PDLIM5: variants seen among roughly 807,000 people sequenced by gnomAD.
PDLIM5 encodes PDZ and LIM domain protein 5.
PDLIM5 carries 34 observed loss-of-function variants against 64.2 expected under a neutral mutation model. The observed-to-expected ratio is 0.53, with a 90% CI of 0.40 to 0.71. PDLIM5 has a LOEUF of 0.71. Among genes scored for constraint, PDLIM5 ranks in the 30% least tolerant of loss-of-function variants. PDLIM5 has a pLI of 0.00. For missense variants in PDLIM5, 683 were observed against 733.6 expected (o/e 0.93, Z 0.80); for synonymous variants, 253 against 269.1 (o/e 0.94, Z 0.59).
intron 3 of PDLIM5, among the ~76,000 whole-genome samples, chr4:94,524,492 A>G (rs1730160509): frequency 6.6e-6 from 1 of 151,276 alleles, no homozygotes; most frequent in African/African-American, 2.4e-5. Flanking sequence ...TGAGCATTAT[A>G]TTAAAGGGTA....
chr4:94,561,741 A>G (rs1408874464), intron 3 of PDLIM5, among the ~76,000 whole-genome samples: 1 of 152,192 alleles, frequency 6.6e-6, no homozygotes, highest in East Asian at 1.9e-4. Flanking sequence ...AATACTTTTC[A>G]GATTATTTAT....
At chr4:94,553,829 A>G (rs1321185234) in intron 3 of PDLIM5, among the ~76,000 whole-genome samples, 1 of 152,230 alleles carries the variant, frequency 6.6e-6, no homozygotes, top group Non-Finnish European at 1.5e-5. Flanking sequence ...TCAGCTTTCC[A>G]CAGAGAGTAT....
chr4:94,639,122 A>G (rs1027838964), intron 8 of PDLIM5, among the ~76,000 whole-genome samples: 1 of 152,180 alleles, frequency 6.6e-6, no homozygotes, highest in African/African-American at 2.4e-5. Flanking sequence ...AATAGGAAGA[A>G]GGGTAGAAAA....
chr4:94,655,695 G>A (rs1011968778), intron 10 of PDLIM5, among the ~76,000 whole-genome samples: 7 of 152,170 alleles, frequency 4.6e-5, no homozygotes, highest in African/African-American at 1.7e-4. Flanking sequence ...CTGTTTTAGT[G>A]TATCAAGGTA....
At chr4:94,476,237 A>G (rs1560640642) in intron 2 of PDLIM5, among the ~76,000 whole-genome samples, 1 of 152,150 alleles carries the variant, frequency 6.6e-6, no homozygotes, top group Non-Finnish European at 1.5e-5. Context: ...TGAATATTTT[A>G]TCTTGGGTGG....
intron 2 of PDLIM5, among the ~76,000 whole-genome samples, chr4:94,464,431 T>C (rs1009751967): frequency 1.3e-5 from 2 of 152,208 alleles, no homozygotes; most frequent in Non-Finnish European, 2.9e-5. Flanking sequence ...GGATATTAAC[T>C]TTTGGAAGTG....
At chr4:94,538,825 A>T (rs1731534336) in intron 3 of PDLIM5, among the ~76,000 whole-genome samples, 1 of 152,156 alleles carries the variant, frequency 6.6e-6, no homozygotes, top group Non-Finnish European at 1.5e-5. Context: ...TCCTCTCTCA[A>T]CTGTACATAT....
intron 2 of PDLIM5, among the ~76,000 whole-genome samples, chr4:94,511,494 T>C (rs559788417): frequency 3.9e-5 from 6 of 152,138 alleles, no homozygotes; most frequent in Non-Finnish European, 8.8e-5. Context: ...TATTTTAAAA[T>C]GTACAATTAA....
Position 94,604,490 on chromosome 4 carries a change from C to T in PDLIM5, c.921-13514C>T, listed in dbSNP as rs143344643. On this transcript the variant is annotated intron_variant, in intron 7 of 12. Coordinates refer to ENST00000317968, the MANE Select transcript of PDLIM5 (RefSeq NM_006457.5). ...CTCTACTAAAAACACAAAAATTAGC[C>T]AGGCGTGGTGGCACGTACCTGTAGT... Among the ~76,000 whole-genome samples the T allele has an allele frequency of 7.2e-3, 1,100 of 152,142 alleles. 16 individuals are homozygous for T. The highest frequency in any genetic ancestry group is 0.025 in the African/African-American group (1,027 of 41,526).
At chr4:94,624,679 A>C (rs987744026) in intron 8 of PDLIM5, among the ~76,000 whole-genome samples, 2 of 152,186 alleles carry the variant, frequency 1.3e-5, no homozygotes, top group Non-Finnish European at 2.9e-5. Context: ...ACCCTTGAAC[A>C]TTTTTAGGAA....
At chr4:94,629,700 T>C (rs1349054307) in intron 8 of PDLIM5, among the ~76,000 whole-genome samples, 1 of 152,236 alleles carries the variant, frequency 6.6e-6, no homozygotes, top group Non-Finnish European at 1.5e-5. Flanking sequence ...TGTGGAAATA[T>C]TTGATACTTA....
intron 3 of PDLIM5, among the ~76,000 whole-genome samples, chr4:94,570,415 G>T (rs1734708976): frequency 6.6e-6 from 1 of 152,202 alleles, no homozygotes; most frequent in South Asian, 2.1e-4. Context: ...AGGAGTGAGT[G>T]TGTGAGTGAG....
intron 2 of PDLIM5, among the ~76,000 whole-genome samples, chr4:94,483,305 T>C (rs1282876692): frequency 2.0e-5 from 3 of 152,138 alleles, no homozygotes; most frequent in Non-Finnish European, 4.4e-5. Flanking sequence ...CTTAAAAATT[T>C]TAATGTGGAA....
At chr4:94,636,113 A>G (rs1163087150) in intron 8 of PDLIM5, among the ~76,000 whole-genome samples, 4 of 152,196 alleles carry the variant, frequency 2.6e-5, no homozygotes, top group African/African-American at 9.7e-5. Context: ...CTCATGCTAA[A>G]TAAGTTAGTT....
intron 3 of PDLIM5, among the ~76,000 whole-genome samples, chr4:94,548,496 C>T (rs529710956): frequency 3.9e-4 from 60 of 152,048 alleles, no homozygotes; most frequent in South Asian, 6.2e-4. Flanking sequence ...GAGATATTGC[C>T]GATGTTTTAG....
At chr4:94,611,340 A>G in intron 7 of PDLIM5, 1 of 640,976 alleles carries the variant, frequency 1.6e-6, no homozygotes, top group Non-Finnish European at 2.7e-6. Context: ...AATGAACTGT[A>G]ATGTCAGTGG....
chr4:94,566,829 G>A (rs1020896564), intron 3 of PDLIM5, among the ~76,000 whole-genome samples: 9 of 152,176 alleles, frequency 5.9e-5, no homozygotes, highest in African/African-American at 1.9e-4. Context: ...CTATTATCCT[G>A]TATATGACCC....
Position 94,546,151 on chromosome 4 carries a change from G to C in PDLIM5, c.248+22276G>C, listed in dbSNP as rs75394889. 4.2e-3 allele frequency among the ~76,000 whole-genome samples: 646 copies of C among 152,176 alleles called. 1 individual carries two copies. The highest frequency in any genetic ancestry group is 0.02 in the Middle Eastern group (6 of 294). ...TTTGACCATTTATGATGCTTGCTTT[G>C]GGAAGAGGATATCCTCATAGAACTG... On this transcript the variant is annotated intron_variant, in intron 3 of 12. Transcript: ENST00000317968.
intron 7 of PDLIM5, chr4:94,608,187 T>C: frequency 6.6e-7 from 1 of 1,522,236 alleles, no homozygotes; most frequent in South Asian, 1.2e-5. Flanking sequence ...AGGTAGACTC[T>C]TCCTTCTTGG....
Sources: allele counts gnomAD v4.1 joint callset (sites outside exome capture counted in the v4.1 genomes callset), GRCh38; gene constraint gnomAD v4.1.1; transcripts MANE v1.5; gene names NCBI Gene and HGNC (gene_info 2026-07-23, HGNC 2026-07-21).